Variants in CHLSN observed in about 807,000 individuals in gnomAD.
CHLSN encodes cholesin.
the CHLSN span, among the ~76,000 whole-genome samples, chr7:1,006,713 A>G: frequency 1.3e-5 from 2 of 150,796 alleles, no homozygotes; most frequent in African/African-American, 4.9e-5. Context: ...GAAAGAGCGC[A>G]TGACGGTCAC....
the CHLSN span, chr7:988,748 C>G: frequency 6.3e-7 from 1 of 1,599,294 alleles, no homozygotes; most frequent in Non-Finnish European, 8.5e-7. Context: ...TCCGGCCTCC[C>G]TGGACACCAC....
At chr7:997,904 G>T in the CHLSN span, 1 of 1,148,198 alleles carries the variant, frequency 8.7e-7, no homozygotes, top group Middle Eastern at 2.5e-4. Context: ...CGGGCCTCAG[G>T]CTTCCGTCCT....
At chr7:1,114,077 G>A in the CHLSN span, among the ~76,000 whole-genome samples, 12 of 152,350 alleles carry the variant, frequency 7.9e-5, no homozygotes, top group Admixed American at 3.9e-4. Flanking sequence ...CAGTGCAGCG[G>A]TGCCCATGGC....
At chr7:1,080,931 C>G in the CHLSN span, 1 of 152,450 alleles carries the variant, frequency 6.6e-6, no homozygotes, top group African/African-American at 2.4e-5. Flanking sequence ...CGGGTAAGGT[C>G]GGGGAGAAGG....
chr7:1,043,260 C>T, the CHLSN span, among the ~76,000 whole-genome samples: 2 of 152,250 alleles, frequency 1.3e-5, no homozygotes, highest in Non-Finnish European at 2.9e-5. Flanking sequence ...CACATGGTGA[C>T]CTATCTCATT....
At chr7:997,672 G>C in the CHLSN span, 10 of 1,610,146 alleles carry the variant, frequency 6.2e-6, no homozygotes, top group East Asian at 2.2e-4. Flanking sequence ...GCCCTCCCCG[G>C]CAGGGGGGGA....
chr7:1,022,652 G>T, the CHLSN span, among the ~76,000 whole-genome samples: 1 of 152,122 alleles, frequency 6.6e-6, no homozygotes, highest in Non-Finnish European at 1.5e-5. Context: ...CAACAGCATC[G>T]ATGTGGTCTT....
At chr7:1,095,135 T>C in the CHLSN span, among the ~76,000 whole-genome samples, 9 of 152,044 alleles carry the variant, frequency 5.9e-5, no homozygotes, top group South Asian at 1.7e-3. Flanking sequence ...GCCCTGCAAG[T>C]CACCCCAGCT....
chr7:1,027,226 G>C, the CHLSN span, among the ~76,000 whole-genome samples: 1 of 152,212 alleles, frequency 6.6e-6, no homozygotes, highest in Non-Finnish European at 1.5e-5. Context: ...ACTCCTCAGT[G>C]AACACAACGA....
At chr7:990,816 A>G in the CHLSN span, among the ~76,000 whole-genome samples, 221 of 152,244 alleles carry the variant, frequency 1.5e-3, 2 homozygotes, top group African/African-American at 5.1e-3. Context: ...AGGTGGGGCC[A>G]CGCGACGCCC....
chr7:983,108 TGGTGGGGTG>T, the CHLSN span: 3 of 857,708 alleles, frequency 3.5e-6, no homozygotes, highest in Non-Finnish European at 4.5e-6. Flanking sequence ...ATTCTCGGGG[TGGTGGGGTG>T]GGTGGGGTGC....
the CHLSN span, among the ~76,000 whole-genome samples, chr7:1,015,931 T>C: frequency 6.6e-6 from 1 of 152,204 alleles, no homozygotes; most frequent in East Asian, 1.9e-4. Flanking sequence ...CAGACGGAAA[T>C]ACTCCTGACG....
chr7:1,072,197 C>A, the CHLSN span, among the ~76,000 whole-genome samples: 2 of 152,244 alleles, frequency 1.3e-5, no homozygotes, highest in Non-Finnish European at 2.9e-5. Flanking sequence ...CCGTAAGCAT[C>A]CTGGCTGCCC....
At chr7:1,100,170 T>A in the CHLSN span, among the ~76,000 whole-genome samples, 2 of 152,188 alleles carry the variant, frequency 1.3e-5, no homozygotes, top group Non-Finnish European at 2.9e-5. Flanking sequence ...AGCAGGTGCG[T>A]TCTCCTGTCC....
the CHLSN span, among the ~76,000 whole-genome samples, chr7:1,008,916 T>C: frequency 7.0e-5 from 7 of 100,170 alleles, no homozygotes; most frequent in Non-Finnish European, 1.2e-4. Flanking sequence ...ACAACACACG[T>C]ATACACATGC....
chr7:1,052,486 C>G, the CHLSN span, among the ~76,000 whole-genome samples: 289 of 152,168 alleles, frequency 1.9e-3, no homozygotes, highest in Non-Finnish European at 2.8e-3. The surrounding 1 kb of genome is among the most constrained non-coding windows in gnomAD (Gnocchi z 4.2). Flanking sequence ...GTGAAACCAG[C>G]AGTGTGACTT....
the CHLSN span, among the ~76,000 whole-genome samples, chr7:1,009,544 C>T: frequency 2.6e-5 from 4 of 152,184 alleles, no homozygotes; most frequent in Non-Finnish European, 4.4e-5. Context: ...CCCGTCTTCC[C>T]GCTCTTGGGT....
the CHLSN span, chr7:997,501 C>A: frequency 1.2e-6 from 1 of 828,314 alleles, no homozygotes; most frequent in Non-Finnish European, 1.8e-6. Flanking sequence ...ACCGGAGGAG[C>A]TGAAAGCCCT....
chr7:1,112,756 T>C, the CHLSN span, among the ~76,000 whole-genome samples: 1 of 144,790 alleles, frequency 6.9e-6, no homozygotes. Context: ...CCAGTGAGGG[T>C]GCGGGGTCCG....
Sources: gnomAD v4.1 joint callset for allele counts (sites outside exome capture counted in the v4.1 genomes callset) on GRCh38, gnomAD v4.1.1 for gene constraint, Gnocchi (gnomAD v3.1) non-coding constraint, MANE v1.5 for transcripts, NCBI Gene and HGNC (gene_info 2026-07-23, HGNC 2026-07-21) for gene names.